Variants in PHF3 observed in about 807,000 individuals in gnomAD.
PHF3 encodes the protein PHD finger protein 3.
Under a neutral mutation model 178.4 loss-of-function variants are expected in PHF3, and 41 were observed. The observed-to-expected ratio is 0.23, with a 90% CI of 0.18 to 0.30. PHF3 has a LOEUF of 0.30. Among genes scored for constraint, PHF3 ranks in the 10% least tolerant of loss-of-function variants. PHF3 has a pLI of 1.00. For missense variants in PHF3, 2,346 were observed against 2,398.1 expected, an observed-to-expected ratio of 0.98 and a Z score of 0.45; for synonymous variants, 842 against 800.5, an observed-to-expected ratio of 1.05 and a Z score of -0.88.
rs941390578 is a variant in PHF3 at position 63,699,531 on chromosome 6, G to A, written c.2983-819G>A. ...ATGGTCCCGAGGATCAGATGCTTCT[G>A]GAATTACATAATCTGGAAGCTTTTC... On this transcript the variant is annotated intron_variant, in intron 8 of 15. Coordinates refer to ENST00000262043, the MANE Select transcript of PHF3 (RefSeq NM_001370348.2). Among the ~76,000 whole-genome samples the A allele has an allele frequency of 2.2e-4, 33 of 152,216 alleles. 1 individual carries two copies. Among genetic ancestry groups the A allele is most frequent in the Non-Finnish European group, 4.4e-5 (3 of 68,008 alleles).
rs1768540580 is a variant in PHF3 at position 63,724,586 on chromosome 6, T to G, written c.*10878T>G. ...ATAATTTTTATATATCAAAAATCTT[T>G]TAAAGGTGTTAAATTTTTAGCAGAA... On this transcript the variant is annotated 3_prime_UTR_variant, in exon 16 of 16. Transcript: ENST00000262043. 6.6e-6 allele frequency among the ~76,000 whole-genome samples: 1 copy of G among 152,268 alleles called. No individual in the cohort carries two copies. Among genetic ancestry groups the G allele is most frequent in the South Asian group, 2.1e-4 (1 of 4,826 alleles).
At position 63,712,231 on chromosome 6, in the gene PHF3, C is replaced by T; in HGVS notation, c.4643C>T (p.Ser1548Phe). Residue 1548 changes from serine to phenylalanine, a missense_variant, in exon 16 of 16, where the codon TCT becomes TTT. By Grantham distance (155) the Ser-to-Phe change is radical. Transcript: ENST00000262043. ...ATAGAAACATCAGTAGTAGGGTCCT[C>T]TTCCATTTCTGCAGGGTCTTTGACG... is the stretch of plus-strand genomic sequence containing the variant. ...AEIETSVVGS[S>F]SISAGSLTSL... 2.5e-6 allele frequency: 4 copies of T among 1,614,026 alleles called. No homozygotes were observed. The highest frequency in any genetic ancestry group is 3.4e-6 in the Non-Finnish European group (4 of 1,179,936).
Position 63,684,255 on chromosome 6 carries a change from G to A in PHF3, c.533G>A (p.Arg178Lys), listed in dbSNP as rs749320196. 4 of 1,613,902 alleles carry A rather than the reference G, an allele frequency of 2.5e-6. No individual in the cohort carries two copies. Among genetic ancestry groups the A allele is most frequent in the East Asian group, 4.5e-5 (2 of 44,868 alleles). ...TAKAGVKQPE[R>K]SQVKEEVCMS... Reference sequence around the variant, plus strand: ...AAAGCAGGAGTGAAACAACCAGAAAGGAGTCAGGTTAAAGAAGAAGTATGT... The same window carrying A: ...AAAGCAGGAGTGAAACAACCAGAAAAGAGTCAGGTTAAAGAAGAAGTATGT... The change falls in exon 4 of 16, where the codon AGG (arginine) becomes AAG (lysine). Residue 178 changes from arginine to lysine, a missense_variant. Around this residue, in one of 8 missense-constraint regions of PHF3, gnomAD observed 843 missense variants for 795.2 expected, o/e 1.06. Coordinates refer to ENST00000262043, the MANE Select transcript of PHF3 (RefSeq NM_001370348.2).
chr6:63,707,538 A>C (rs1245237116), intron 13 of PHF3, among the ~76,000 whole-genome samples: 1 of 152,212 alleles, frequency 6.6e-6, no homozygotes, highest in Non-Finnish European at 1.5e-5. Flanking sequence ...AAGGAAATGT[A>C]TTTTTATATG....
chr6:63,644,318 T>A (rs1458619486), intron 1 of PHF3, among the ~76,000 whole-genome samples: 1 of 152,240 alleles, frequency 6.6e-6, no homozygotes, highest in Non-Finnish European at 1.5e-5. Context: ...CATTGGTAGT[T>A]CTACTTAATT....
chr6:63,699,747 C>T (rs982626096), intron 8 of PHF3, among the ~76,000 whole-genome samples: 4 of 152,034 alleles, frequency 2.6e-5, no homozygotes, highest in South Asian at 2.1e-4. Flanking sequence ...CACGCCGCCA[C>T]GCCCAGCTAA....
In PHF3 at chr6:63,660,157, C is replaced by T. The variant is rs144367991; in HGVS notation, c.244+13362C>T. Among the ~76,000 whole-genome samples, 581 of 151,882 alleles carry T rather than the reference C, an allele frequency of 3.8e-3. 3 individuals are homozygous for T. The highest frequency in any genetic ancestry group is 0.012 in the African/African-American group (504 of 41,420). On this transcript the variant is annotated intron_variant, in intron 2 of 15. Transcript: ENST00000262043. ...AAAGATGTGTGAGTGCCCAAAATGGCGCTTAGTTATTAAAGACCAAGCAAT... is the reference window on the plus strand; with the variant it reads ...AAAGATGTGTGAGTGCCCAAAATGGTGCTTAGTTATTAAAGACCAAGCAAT...
rs1768205410 is a variant in PHF3 at position 63,716,855 on chromosome 6, C to T, written c.*3147C>T. Among the ~76,000 whole-genome samples the T allele has an allele frequency of 6.6e-6, 1 of 151,988 alleles. No individual in the cohort carries two copies. The highest frequency in any genetic ancestry group is 1.5e-5 in the Non-Finnish European group (1 of 67,972). ...CCCTTGTGATTACATTGACCCCACC[C>T]AGATAATCCAGGGTAATGTTCCTAT... On this transcript the variant is annotated 3_prime_UTR_variant, in exon 16 of 16. Coordinates refer to ENST00000262043, the MANE Select transcript of PHF3 (RefSeq NM_001370348.2).
intron 1 of PHF3, 92 bp from the exon 2 acceptor site, chr6:63,646,435 T>G (rs894782164): frequency 2.4e-6 from 2 of 849,866 alleles, no homozygotes; most frequent in Admixed American, 3.2e-5. Context: ...TTAAGTGTGT[T>G]CTTAGACTCA....
At position 63,722,447 on chromosome 6, in the gene PHF3, T is replaced by C. The variant is rs1485548646; in HGVS notation, c.*8739T>C. On this transcript the variant is annotated 3_prime_UTR_variant, in exon 16 of 16. Coordinates refer to ENST00000262043, the MANE Select transcript of PHF3 (RefSeq NM_001370348.2). ...ATCACTAGGTTTCCCTCCATTACAG[T>C]ATATCTCATTTTATAATTATATAGT... Among the ~76,000 whole-genome samples, 2 of 152,132 alleles carry C rather than the reference T, an allele frequency of 1.3e-5. No homozygotes were observed. The highest frequency in any genetic ancestry group is 2.4e-5 in the African/African-American group (1 of 41,434).
chr6:63,721,850 A>G lies in PHF3; in HGVS notation c.*8142A>G. 6.8e-7 allele frequency: 1 copy of G among 1,479,902 alleles called. No homozygotes were observed. The highest frequency in any genetic ancestry group is 9.0e-7 in the Non-Finnish European group (1 of 1,113,824). The allele number at this position is 1,479,902 out of a possible 1,614,324, so 91.7% of individuals were successfully genotyped here. On this transcript the variant is annotated 3_prime_UTR_variant, in exon 16 of 16. Transcript: ENST00000262043. Reference sequence around the variant, plus strand: ...TTAGCAACAGTAAAAGTTTCCATTGAAAACTTTTGCTGTTTCTGGCCAAGT... The same window carrying G: ...TTAGCAACAGTAAAAGTTTCCATTGGAAACTTTTGCTGTTTCTGGCCAAGT...
Position 63,691,926 on chromosome 6 carries a change from C to A in PHF3, c.2379C>A (p.Phe793Leu), listed in dbSNP as rs143182226. ...DTLENQATVE[F>L]HSGDKTMECE... ...TGGAAAACCAAGCTACAGTTGAATT[C>A]CATAGTGGAGATAAAACAATGGAGT... Residue 793 changes from phenylalanine to leucine, a missense_variant, in exon 5 of 16, where the codon TTC (phenylalanine) becomes TTA (leucine). Coordinates refer to ENST00000262043, the MANE Select transcript of PHF3 (RefSeq NM_001370348.2). 5 of 1,613,394 alleles carry A rather than the reference C, an allele frequency of 3.1e-6. No individual in the cohort carries two copies. Among genetic ancestry groups the A allele is most frequent in the South Asian group, 1.1e-5 (1 of 91,066 alleles).
At chr6:63,677,053 A>G (rs1766200497) in intron 2 of PHF3, among the ~76,000 whole-genome samples, 2 of 152,226 alleles carry the variant, frequency 1.3e-5, no homozygotes. Flanking sequence ...ATACCTTGGG[A>G]GGAACAGTTT....
In PHF3 at chr6:63,692,055, A is replaced by C; in HGVS notation, c.2496+12A>C. The C allele has an allele frequency of 6.4e-7, 1 of 1,572,408 alleles. No homozygotes were observed. Among genetic ancestry groups the C allele is most frequent in the Non-Finnish European group, 8.6e-7 (1 of 1,156,948 alleles). On this transcript the variant is annotated intron_variant, in intron 5 of 15. Coordinates refer to ENST00000262043, the MANE Select transcript of PHF3 (RefSeq NM_001370348.2). ...AAATTTTAAAACGGGTGAGCTCTTCATTAATGCATTATTTTGTTTATTTAA... is the reference window on the plus strand; with the variant it reads ...AAATTTTAAAACGGGTGAGCTCTTCCTTAATGCATTATTTTGTTTATTTAA...
intron 5 of PHF3, among the ~76,000 whole-genome samples, chr6:63,693,569 C>A (rs896342270): frequency 6.6e-6 from 1 of 152,122 alleles, no homozygotes; most frequent in African/African-American, 2.4e-5. Flanking sequence ...TGGGATTGTG[C>A]CACTTTATTC....
At chr6:63,668,952 A>G (rs1247298575) in intron 2 of PHF3, among the ~76,000 whole-genome samples, 2 of 152,212 alleles carry the variant, frequency 1.3e-5, no homozygotes, top group Non-Finnish European at 2.9e-5. Flanking sequence ...TGCAACTTCA[A>G]AAAAGCATGT....
At chr6:63,688,508 T>C (rs1766850257) in intron 4 of PHF3, among the ~76,000 whole-genome samples, 1 of 150,464 alleles carries the variant, frequency 6.6e-6, no homozygotes, top group Non-Finnish European at 1.5e-5. Flanking sequence ...GCTTATTTTG[T>C]ATTTTTTGTA....
chr6:63,645,496 G>A (rs2149538544), intron 1 of PHF3, among the ~76,000 whole-genome samples: 1 of 152,230 alleles, frequency 6.6e-6, no homozygotes, highest in Admixed American at 6.5e-5. Flanking sequence ...TTTTTATAGG[G>A]GGAGAGAATT....
chr6:63,698,131 CTT>C (rs1269263026), intron 6 of PHF3, 90 bp from the exon 7 acceptor site: 1 of 1,002,444 alleles, frequency 1.0e-6, no homozygotes, highest in African/African-American at 1.6e-5. Context: ...TAAATAGTGA[CTT>C]TTAATCAGTT....
Sources: allele counts gnomAD v4.1 joint callset (sites outside exome capture counted in the v4.1 genomes callset), GRCh38; gene constraint gnomAD v4.1.1; regional missense constraint gnomAD v4.1.1; transcripts MANE v1.5; gene names NCBI Gene and HGNC (gene_info 2026-07-23, HGNC 2026-07-21).